Variants in RB1CC1 observed in about 807,000 individuals in gnomAD.
RB1CC1 encodes the protein RB1-inducible coiled-coil protein 1.
RB1CC1 carries 46 observed loss-of-function variants against 177.5 expected under a neutral mutation model. The observed-to-expected ratio is 0.26, with a 90% CI of 0.20 to 0.33. RB1CC1 has a LOEUF of 0.33. Ranked by LOEUF, RB1CC1 falls within the 10% of genes least tolerant of loss-of-function variation. The pLI is 1.00. For missense variants in RB1CC1, 1,703 were observed against 1,816.3 expected (o/e 0.94, Z 1.13); for synonymous variants, 666 against 613.6 (o/e 1.09, Z -1.26).
chr8:52,685,002 CTTTTTTTTTT>C (rs34656821), intron 3 of RB1CC1, among the ~76,000 whole-genome samples: 1 of 130,286 alleles, frequency 7.7e-6, no homozygotes, highest in East Asian at 2.2e-4. Context: ...ATTATGTGAC[CTTTTTTTTTT>C]TTTTTTTTGA....
chr8:52,710,294 C>T (rs752575313), intron 1 of RB1CC1, among the ~76,000 whole-genome samples: 21 of 152,180 alleles, frequency 1.4e-4, no homozygotes, highest in Non-Finnish European at 4.4e-5. Context: ...CCTAAATATA[C>T]GCCTTGTCTA....
chr8:52,655,860 C>A, intron 15 of RB1CC1, 148 bp downstream of exon 15: 1 of 572,140 alleles, frequency 1.7e-6, no homozygotes. Context: ...GCAAGAAACA[C>A]TGACTAAAAA....
intron 15 of RB1CC1, among the ~76,000 whole-genome samples, chr8:52,649,814 T>C (rs1311587924): frequency 6.6e-6 from 1 of 152,244 alleles, no homozygotes; most frequent in Non-Finnish European, 1.5e-5. Context: ...TATTTCTTTG[T>C]ACAAAGGTAC....
intron 15 of RB1CC1, among the ~76,000 whole-genome samples, chr8:52,647,067 CTACATGTTTCTTATGTA>C: frequency 6.6e-6 from 1 of 152,254 alleles, no homozygotes; most frequent in East Asian, 1.9e-4. Flanking sequence ...AATGTTCACT[CTACATGTTTCTTATGTA>C]ATTTCCTCAT....
At chr8:52,690,393 C>T (rs1029182040) in intron 1 of RB1CC1, among the ~76,000 whole-genome samples, 1 of 152,190 alleles carries the variant, frequency 6.6e-6, no homozygotes, top group Non-Finnish European at 1.5e-5. Context: ...CAGACATAGT[C>T]TTTGTCCTCA....
At chr8:52,669,185 C>T (rs1253666841) in intron 7 of RB1CC1, among the ~76,000 whole-genome samples, 1 of 152,152 alleles carries the variant, frequency 6.6e-6, no homozygotes, top group Non-Finnish European at 1.5e-5. Flanking sequence ...TAATAAAACC[C>T]TCAAATGACT....
In RB1CC1 at chr8:52,661,734, A is replaced by G; in HGVS notation, c.1174-15T>C. ...GCTAAAAATCCCTTTGAGAAAAAAA[A>G]TGTTTCAAAGGACATTAATTTTGTT... On this transcript the variant is annotated splice_polypyrimidine_tract_variant and intron_variant, in intron 8 of 23. Transcript: ENST00000025008. 6.5e-7 allele frequency: 1 copy of G among 1,528,728 alleles called. No individual in the cohort carries two copies. The highest frequency in any genetic ancestry group is 8.8e-7 in the Non-Finnish European group (1 of 1,140,734). 94.7% of individuals were successfully genotyped at this position (1,528,728 alleles called of 1,614,324 possible). A position where few individuals can be genotyped will look rare whatever the true frequency, so the allele number is the denominator to read the frequency against.
chr8:52,698,862 T>C (rs1288607889), intron 1 of RB1CC1, among the ~76,000 whole-genome samples: 1 of 151,794 alleles, frequency 6.6e-6, no homozygotes, highest in Admixed American at 6.6e-5. Flanking sequence ...GCTAATTGTT[T>C]TGTATTTTTA....
rs1848215973 is a variant in RB1CC1 at position 52,623,986 on chromosome 8, C to T, written c.4708-127G>A. The T allele has an allele frequency of 4.6e-6, 3 of 654,706 alleles. No homozygotes were observed. In the Admixed American group the frequency reaches 7.7e-5, roughly 17 times the overall value. The allele number at this position is 654,706 out of a possible 1,614,324, so 40.6% of individuals were successfully genotyped here. On this transcript the variant is annotated intron_variant, in intron 23 of 23. Transcript: ENST00000025008. The stretch of plus-strand genomic sequence containing the variant: ...ATAAATAAACCACATCACACAAGTA[C>T]CCTCCTATCATATTACTCATTGCTG...
chr8:52,662,122 AC>A (rs1851688459), intron 8 of RB1CC1, among the ~76,000 whole-genome samples: 1 of 152,036 alleles, frequency 6.6e-6, no homozygotes, highest in African/African-American at 2.4e-5. Flanking sequence ...AGTATATTAG[AC>A]ACTTTCCCAA....
At chr8:52,664,185 TTC>T (rs923796782) in intron 8 of RB1CC1, among the ~76,000 whole-genome samples, 1 of 152,188 alleles carries the variant, frequency 6.6e-6, no homozygotes, top group Non-Finnish European at 1.5e-5. Context: ...GGTATCCCTT[TTC>T]TCTAATGAGC....
chr8:52,711,350 TAATA>T (rs1857048222), intron 1 of RB1CC1, among the ~76,000 whole-genome samples: 2 of 152,190 alleles, frequency 1.3e-5, no homozygotes, highest in East Asian at 1.9e-4. Context: ...ATTTGGTCCA[TAATA>T]AATAATCAGA....
chr8:52,655,994 A>C lies in RB1CC1; in HGVS notation c.3821+14T>G. 1 of 1,553,742 alleles carries C rather than the reference A, an allele frequency of 6.4e-7. No individual in the cohort carries two copies. Among genetic ancestry groups the C allele is most frequent in the Non-Finnish European group, 8.8e-7 (1 of 1,136,430 alleles). The stretch of plus-strand genomic sequence containing the variant: ...ATTTTAATTTTATAATTACAGACTA[A>C]ACTTAATTCTTACCTTTTTGCTATT... On this transcript the variant is annotated intron_variant, in intron 15 of 23. Coordinates refer to ENST00000025008, the MANE Select transcript of RB1CC1 (RefSeq NM_014781.5).
intron 20 of RB1CC1, among the ~76,000 whole-genome samples, chr8:52,633,198 G>A (rs1359074541): frequency 6.6e-6 from 1 of 152,094 alleles, no homozygotes; most frequent in Non-Finnish European, 1.5e-5. Flanking sequence ...GACCTCCCGA[G>A]GCTGTGTCAT....
intron 15 of RB1CC1, among the ~76,000 whole-genome samples, chr8:52,652,708 A>G (rs1294158716): frequency 3.9e-5 from 6 of 152,136 alleles, no homozygotes; most frequent in South Asian, 2.1e-4. Flanking sequence ...GATTATATGA[A>G]TAAGTCTGTG....
chr8:52,666,374 C>T (rs1489720427), intron 8 of RB1CC1, among the ~76,000 whole-genome samples: 6 of 151,898 alleles, frequency 4.0e-5, no homozygotes, highest in Non-Finnish European at 8.8e-5. Context: ...CAAAATTAAC[C>T]AGGCGTGGTG....
intron 23 of RB1CC1, among the ~76,000 whole-genome samples, chr8:52,624,144 T>C (rs1324262402): frequency 1.3e-5 from 2 of 151,812 alleles, no homozygotes; most frequent in East Asian, 1.9e-4. Flanking sequence ...TAATACAAAG[T>C]GGGCCATACA....
At chr8:52,671,705 T>C (rs1468808523) in intron 7 of RB1CC1, among the ~76,000 whole-genome samples, 1 of 152,252 alleles carries the variant, frequency 6.6e-6, no homozygotes. Flanking sequence ...ATTTTTTAAC[T>C]TCAAACATTT....
rs1433745978 is a variant in RB1CC1 at position 52,634,942 on chromosome 8, A to T, written c.4419T>A (p.Asn1473Lys). 6.2e-7 allele frequency: 1 copy of T among 1,609,828 alleles called. No individual in the cohort carries two copies. Residue 1473 changes from asparagine (N) to lysine (K), a missense_variant, in exon 20 of 24, where the codon AAT becomes AAA. By Grantham distance (94) the Asn-to-Lys change is moderately conservative. Transcript: ENST00000025008. ...ERTLQLKEEE[N>K]KRLNQRLMSQ... ...TTACCAGTCTTTGATTTAACCGTTTATTTTCTTCTTCTTTCAATTGCAATG... is the reference window on the plus strand; with the variant it reads ...TTACCAGTCTTTGATTTAACCGTTTTTTTTCTTCTTCTTTCAATTGCAATG...
Sources: allele counts gnomAD v4.1 joint callset (sites outside exome capture counted in the v4.1 genomes callset), GRCh38; gene constraint gnomAD v4.1.1; transcripts MANE v1.5; gene names NCBI Gene and HGNC (gene_info 2026-07-23, HGNC 2026-07-21).